Variants in CNTNAP5 observed in about 807,000 individuals in gnomAD.
The protein encoded by CNTNAP5 is contactin associated protein family member 5.
In CNTNAP5, 72 loss-of-function variants were observed where a neutral mutation model predicts 150.2. That is an observed-to-expected ratio of 0.48 (90% CI 0.40 to 0.58). The LOEUF (loss-of-function observed/expected upper bound fraction) is 0.58. Ranked by LOEUF, CNTNAP5 falls within the 20% of genes least tolerant of loss-of-function variation. CNTNAP5 has a pLI of 0.00. For missense variants in CNTNAP5, 1,636 were observed against 1,626.2 expected, an observed-to-expected ratio of 1.01 and a Z score of -0.10; for synonymous variants, 672 against 619.8, an observed-to-expected ratio of 1.08 and a Z score of -1.25.
rs1277016068 is a variant in CNTNAP5 at position 124,692,382 on chromosome 2, T to A, written c.2077+44424T>A. On this transcript the variant is annotated intron_variant, in intron 13 of 23. Transcript: ENST00000682447. ...GCACTACTGAGGGGAGTTGAGTAGT[T>A]GTGTCTGAGACCATATGGCTTGCAA... 3.3e-5 allele frequency among the ~76,000 whole-genome samples: 5 copies of A among 152,116 alleles called. No individual in the cohort carries two copies. In the East Asian group the frequency reaches 9.6e-4, roughly 29 times the overall value.
chr2:124,442,806 A>G (rs1482642313), intron 5 of CNTNAP5, among the ~76,000 whole-genome samples: 1 of 152,234 alleles, frequency 6.6e-6, no homozygotes, highest in Non-Finnish European at 1.5e-5. Context: ...CAGGCAAAAT[A>G]TAGGAAGAGA....
At chr2:124,742,026 A>G (rs2105139095) in intron 13 of CNTNAP5, among the ~76,000 whole-genome samples, 1 of 152,276 alleles carries the variant, frequency 6.6e-6, no homozygotes, top group Non-Finnish European at 1.5e-5. Flanking sequence ...TGGCAATCTA[A>G]ATTGGAGGTA....
At chr2:124,699,913 A>G (rs1326631826) in intron 13 of CNTNAP5, among the ~76,000 whole-genome samples, 1 of 151,980 alleles carries the variant, frequency 6.6e-6, no homozygotes, top group Non-Finnish European at 1.5e-5. Context: ...GGTTCTTAGT[A>G]TATTCACAAG....
At chr2:124,858,650 T>C (rs1476625233) in intron 19 of CNTNAP5, among the ~76,000 whole-genome samples, 1 of 152,192 alleles carries the variant, frequency 6.6e-6, no homozygotes, top group Non-Finnish European at 1.5e-5. Flanking sequence ...TAATGGGTTA[T>C]AAGTTAGTAT....
intron 3 of CNTNAP5, among the ~76,000 whole-genome samples, chr2:124,292,184 C>G (rs796860118): frequency 2.0e-4 from 30 of 152,102 alleles, no homozygotes; most frequent in African/African-American, 7.0e-4. Flanking sequence ...TTAGTTTTAT[C>G]TCTCTTTTTT....
chr2:124,319,304 G>C (rs1689043017), intron 3 of CNTNAP5, among the ~76,000 whole-genome samples: 1 of 151,274 alleles, frequency 6.6e-6, no homozygotes, highest in Non-Finnish European at 1.5e-5. Flanking sequence ...ATGATAAGTG[G>C]CAAAAAAAAA....
chr2:124,522,903 T>G (rs1694881135), intron 8 of CNTNAP5, among the ~76,000 whole-genome samples: 1 of 152,254 alleles, frequency 6.6e-6, no homozygotes, highest in African/African-American at 2.4e-5. Flanking sequence ...GATCCTCACA[T>G]GGAGTTAGTT....
intron 3 of CNTNAP5, among the ~76,000 whole-genome samples, chr2:124,354,101 G>A (rs908862927): frequency 6.6e-6 from 1 of 152,238 alleles, no homozygotes; most frequent in East Asian, 1.9e-4. Context: ...AGAAAGAGAC[G>A]CTATGTTGTT....
chr2:124,575,422 A>G (rs1696259974), intron 11 of CNTNAP5, among the ~76,000 whole-genome samples: 1 of 152,164 alleles, frequency 6.6e-6, no homozygotes, highest in Non-Finnish European at 1.5e-5. Context: ...GAGGCCTTTC[A>G]TTATTTGGAA....
chr2:124,502,039 G>T (rs1329597228), intron 7 of CNTNAP5, among the ~76,000 whole-genome samples: 1 of 152,156 alleles, frequency 6.6e-6, no homozygotes, highest in South Asian at 2.1e-4. Flanking sequence ...GGTGAGCGAG[G>T]GAGCTGTCCA....
At chr2:124,032,572 C>T (rs191839705) in intron 1 of CNTNAP5, among the ~76,000 whole-genome samples, 3 of 151,922 alleles carry the variant, frequency 2.0e-5, no homozygotes, top group East Asian at 1.9e-4. Context: ...ACAAAAGTTA[C>T]ACAGCATTGG....
chr2:124,403,026 C>A (rs900628357), intron 3 of CNTNAP5, among the ~76,000 whole-genome samples: 4 of 152,170 alleles, frequency 2.6e-5, no homozygotes, highest in African/African-American at 9.7e-5. Flanking sequence ...ATGTTAATTA[C>A]CCTTTGCCTT....
At position 124,791,817 on chromosome 2, in the gene CNTNAP5, T is replaced by C. The variant is rs114731349; in HGVS notation, c.2992+1676T>C. On this transcript the variant is annotated intron_variant, in intron 18 of 23. Transcript: ENST00000682447. ...TCTCTGTGCTCCCTCCCACTTTTAA[T>C]TATGATCTGCAAGTTACATAGGCAA... 2.3e-3 allele frequency among the ~76,000 whole-genome samples: 355 copies of C among 152,112 alleles called. 5 individuals are homozygous for C. Among genetic ancestry groups the C allele is most frequent in the African/African-American group, 7.6e-3 (315 of 41,484 alleles).
At chr2:124,541,281 T>A (rs1695378995) in intron 10 of CNTNAP5, among the ~76,000 whole-genome samples, 2 of 147,566 alleles carry the variant, frequency 1.4e-5, no homozygotes, top group Non-Finnish European at 3.0e-5. Context: ...TGGGAATTCC[T>A]GTCTGCCATT....
chr2:124,660,065 AG>A (rs1678554532), intron 13 of CNTNAP5, among the ~76,000 whole-genome samples: 1 of 151,220 alleles, frequency 6.6e-6, no homozygotes. Flanking sequence ...GAAGGAAGGA[AG>A]GAAGGAAGGA....
intron 1 of CNTNAP5, among the ~76,000 whole-genome samples, chr2:124,197,400 G>T (rs1314382775): frequency 6.6e-6 from 1 of 152,170 alleles, no homozygotes; most frequent in African/African-American, 2.4e-5. Context: ...GAGTTCTGTT[G>T]ATACTATTGC....
At chr2:124,303,410 A>G (rs1187838140) in intron 3 of CNTNAP5, among the ~76,000 whole-genome samples, 1 of 152,194 alleles carries the variant, frequency 6.6e-6, no homozygotes, top group Admixed American at 6.5e-5. Flanking sequence ...TAACAGACAG[A>G]GAAGCAGCAG....
At chr2:124,511,536 G>T (rs1191055208) in intron 8 of CNTNAP5, among the ~76,000 whole-genome samples, 2 of 152,166 alleles carry the variant, frequency 1.3e-5, no homozygotes, top group Admixed American at 6.5e-5. Flanking sequence ...GTCTTGTTCC[G>T]TTAGCCTCAC....
At chr2:124,408,148 T>A (rs113171561) in intron 3 of CNTNAP5, among the ~76,000 whole-genome samples, 15 of 152,124 alleles carry the variant, frequency 9.9e-5, no homozygotes, top group Non-Finnish European at 1.8e-4. Flanking sequence ...ATCGGGTCAC[T>A]CCCACCCGAA....
Sources: allele counts gnomAD v4.1 joint callset (sites outside exome capture counted in the v4.1 genomes callset), GRCh38; gene constraint gnomAD v4.1.1; transcripts MANE v1.5; gene names NCBI Gene and HGNC (gene_info 2026-07-23, HGNC 2026-07-21).